PCLO: variants seen among roughly 807,000 people sequenced by gnomAD.
PCLO encodes protein piccolo.
Under a neutral mutation model 427.5 loss-of-function variants are expected in PCLO, and 82 were observed. The ratio of observed to expected loss-of-function variants is 0.19; its 90% CI spans 0.16 to 0.23. The LOEUF is 0.23. Among genes scored for constraint, PCLO ranks in the 10% least tolerant of loss-of-function variants. The pLI is 1.00. For missense variants in PCLO, 6,239 were observed against 6,115.9 expected (o/e 1.02, Z -0.67); for synonymous variants, 2,357 against 2,155.4 (o/e 1.09, Z -2.59).
At chr7:82,825,787 C>T (rs1027419330) in intron 18 of PCLO, among the ~76,000 whole-genome samples, 1 of 146,330 alleles carries the variant, frequency 6.8e-6, no homozygotes, top group African/African-American at 2.5e-5. Context: ...ATGATATATA[C>T]AATATATAAA....
rs1791650022 is a variant in PCLO, at chr7:83,134,234, T to C, written c.3300+16A>G. On this transcript the variant is annotated intron_variant, in intron 3 of 24. Transcript: ENST00000333891. ...TCCATATGTAATATATATATATATA[T>C]ATATATATAACTTACCTCAGTCAAA... 4 of 790,838 alleles carry C rather than the reference T, an allele frequency of 5.1e-6. No individual in the cohort carries two copies. The highest frequency in any genetic ancestry group is 7.2e-6 in the Non-Finnish European group (4 of 552,804). 49.0% of individuals were successfully genotyped at this position (790,838 alleles called of 1,614,324 possible). A position where few individuals can be genotyped will look rare whatever the true frequency, so the allele number is the denominator to read the frequency against.
chr7:82,879,534 G>A, intron 9 of PCLO, 72 bp from the exon 10 acceptor site: 2 of 1,199,062 alleles, frequency 1.7e-6, no homozygotes, highest in Non-Finnish European at 2.3e-6. Flanking sequence ...GTTACAGAGA[G>A]CACAAAAAGT....
intron 1 of PCLO, among the ~76,000 whole-genome samples, chr7:83,162,024 G>T (rs1002550769): frequency 8.5e-5 from 13 of 152,244 alleles, no homozygotes; most frequent in African/African-American, 3.1e-4. Flanking sequence ...ATTAATGGAA[G>T]ACTTCCAGAT....
intron 4 of PCLO, among the ~76,000 whole-genome samples, chr7:82,963,467 G>T (rs1273906666): frequency 6.6e-6 from 1 of 151,624 alleles, no homozygotes; most frequent in Non-Finnish European, 1.5e-5. Context: ...AAAAAAAAAG[G>T]TAGCAATACA....
chr7:83,073,434 T>G (rs902902671), intron 3 of PCLO, among the ~76,000 whole-genome samples: 3 of 152,050 alleles, frequency 2.0e-5, no homozygotes, highest in African/African-American at 7.2e-5. Context: ...TTTAAGAGCC[T>G]ACTGCCTTGT....
intron 3 of PCLO, among the ~76,000 whole-genome samples, chr7:83,014,979 A>T (rs181406269): frequency 6.6e-6 from 1 of 152,226 alleles, no homozygotes; most frequent in Admixed American, 6.5e-5. Context: ...CTTTACCTGA[A>T]ATAACCCTTT....
intron 6 of PCLO, among the ~76,000 whole-genome samples, chr7:82,947,547 T>C (rs1795232861): frequency 6.6e-6 from 1 of 152,206 alleles, no homozygotes; most frequent in African/African-American, 2.4e-5. Context: ...TCATAGTCTC[T>C]AGAGTGTTAA....
At position 82,824,303 on chromosome 7, in the gene PCLO, G is replaced by C; in HGVS notation, c.14529C>G (p.Ser4843Arg). The C allele has an allele frequency of 1.2e-6, 2 of 1,613,488 alleles. No individual in the cohort carries two copies. Among genetic ancestry groups the C allele is most frequent in the Non-Finnish European group, 1.7e-6 (2 of 1,179,704 alleles). The part of the protein sequence containing the change: ...DHGKSHSSQS[S>R]QQSPKPSVIK... Reference sequence around the variant, plus strand: ...TAACAGATGGCTTTGGGGACTGCTGGCTGCTCTGACTGGAATGAGACTTGC... The same window carrying C: ...TAACAGATGGCTTTGGGGACTGCTGCCTGCTCTGACTGGAATGAGACTTGC... The change falls in exon 19 of 25, where the codon AGC becomes AGG. Residue 4843 changes from serine to arginine, a missense_variant. Physicochemically the swap from Ser to Arg is moderately radical, Grantham distance 110 (BLOSUM62 -1). Coordinates refer to ENST00000333891, the MANE Select transcript of PCLO (RefSeq NM_033026.6).
intron 3 of PCLO, among the ~76,000 whole-genome samples, chr7:83,049,903 T>G (rs1789191344): frequency 6.6e-6 from 1 of 151,864 alleles, no homozygotes; most frequent in Non-Finnish European, 1.5e-5. Flanking sequence ...TAAGATAAAT[T>G]GAGGTTTCAT....
At chr7:83,074,721 C>T (rs1250737070) in intron 3 of PCLO, among the ~76,000 whole-genome samples, 1 of 152,046 alleles carries the variant, frequency 6.6e-6, no homozygotes, top group South Asian at 2.1e-4. Flanking sequence ...GGTGATACTT[C>T]AAAAACAAAC....
intron 22 of PCLO, among the ~76,000 whole-genome samples, chr7:82,768,099 A>G (rs549568676): frequency 6.6e-6 from 1 of 152,266 alleles, no homozygotes; most frequent in Admixed American, 6.5e-5. Context: ...AATTTAAAAC[A>G]GAGAATCAAC....
intron 3 of PCLO, among the ~76,000 whole-genome samples, chr7:83,003,055 T>A (rs1168843809): frequency 6.6e-6 from 1 of 151,598 alleles, no homozygotes; most frequent in Non-Finnish European, 1.5e-5. Flanking sequence ...TATCTTCACA[T>A]TTTAAGTGTT....
intron 3 of PCLO, among the ~76,000 whole-genome samples, chr7:83,019,212 T>C (rs1266739688): frequency 6.6e-6 from 1 of 152,058 alleles, no homozygotes; most frequent in East Asian, 1.9e-4. Flanking sequence ...TCAATATGTG[T>C]GTCTTGCTTT....
rs535194560 is a variant in PCLO at position 82,784,247 on chromosome 7, C to T, written c.15007+17271G>A. On this transcript the variant is annotated intron_variant, in intron 22 of 24. Coordinates refer to ENST00000333891, the MANE Select transcript of PCLO (RefSeq NM_033026.6). ...CAGTGTTCAACAAGGCTTCTATTCT[C>T]TCTCTGACCTCATCACCTACCATTC... Among the ~76,000 whole-genome samples the T allele has an allele frequency of 3.6e-3, 545 of 152,210 alleles. 1 individual carries two copies. The highest frequency in any genetic ancestry group is 4.8e-3 in the Non-Finnish European group (328 of 68,004).
chr7:83,144,427 A>C (rs1791942576), intron 2 of PCLO, among the ~76,000 whole-genome samples: 1 of 152,226 alleles, frequency 6.6e-6, no homozygotes, highest in Non-Finnish European at 1.5e-5. Context: ...GTCTCAAAAA[A>C]AAGATAAAAA....
At chr7:82,859,623 C>T (rs1792903737) in intron 10 of PCLO, among the ~76,000 whole-genome samples, 1 of 152,012 alleles carries the variant, frequency 6.6e-6, no homozygotes, top group Non-Finnish European at 1.5e-5. Context: ...AAAGCCTTCC[C>T]AAAAGGACAG....
At chr7:83,143,961 T>A (rs1344641395) in intron 2 of PCLO, among the ~76,000 whole-genome samples, 1 of 152,244 alleles carries the variant, frequency 6.6e-6, no homozygotes, top group Non-Finnish European at 1.5e-5. Context: ...GTCCTCTTAT[T>A]ATTTCATTTA....
intron 3 of PCLO, among the ~76,000 whole-genome samples, chr7:83,084,939 A>G (rs1790193608): frequency 6.6e-6 from 1 of 152,182 alleles, no homozygotes; most frequent in African/African-American, 2.4e-5. Context: ...TTGAGAGACC[A>G]AAGTAGAAAT....
chr7:82,880,365 A>G (rs1349448031), intron 9 of PCLO: 2 of 385,770 alleles, frequency 5.2e-6, no homozygotes, highest in Non-Finnish European at 5.2e-6. Context: ...CAAGAAACAA[A>G]CACATATTAA....
Sources: allele counts gnomAD v4.1 joint callset (sites outside exome capture counted in the v4.1 genomes callset), GRCh38; gene constraint gnomAD v4.1.1; transcripts MANE v1.5; gene names NCBI Gene and HGNC (gene_info 2026-07-23, HGNC 2026-07-21).